The following HEATR4 variants were observed in gnomAD, a reference collection of about 807,000 sequenced individuals.
HEATR4 encodes HEAT repeat containing 4.
Under a neutral mutation model 108.8 loss-of-function variants are expected in HEATR4, and 95 were observed. The observed-to-expected ratio is 0.87, with a 90% CI of 0.74 to 1.04. The LOEUF is 1.04. HEATR4 is among the 50% of genes least tolerant of loss of function. The probability of loss-of-function intolerance (pLI) is 0.00; values close to 1 mark genes in which losing one functional copy is unlikely to be tolerated. For missense variants in HEATR4, 1,152 were observed against 1,253.8 expected (o/e 0.92, Z 1.23); for synonymous variants, 443 against 459.4 (o/e 0.96, Z 0.46).
the HEATR4 span, chr14:73,595,652 T>C: frequency 2.0e-6 from 3 of 1,518,244 alleles, no homozygotes; most frequent in African/African-American, 4.2e-5. Flanking sequence ...CCCTAAATTG[T>C]AATGCATTTG....
Position 73,508,003 on chromosome 14 carries a change from C to G in HEATR4, c.1881+131G>C. 3 of 828,230 alleles carry G rather than the reference C, an allele frequency of 3.6e-6. 1 individual carries two copies. Among genetic ancestry groups the G allele is most frequent in the Non-Finnish European group, 5.9e-6 (3 of 510,622 alleles). The allele number at this position is 828,230 out of a possible 1,614,324, so 51.3% of individuals were successfully genotyped here. A position where few individuals can be genotyped will look rare whatever the true frequency, so the allele number is the denominator to read the frequency against. ...TCAAGTGATCCACCTGCCTCGGCCTCCCGAAGTGTTGGGATTACAGGCATA... is the reference window on the plus strand; with the variant it reads ...TCAAGTGATCCACCTGCCTCGGCCTGCCGAAGTGTTGGGATTACAGGCATA... On this transcript the variant is annotated intron_variant, in intron 9 of 17. Transcript: ENST00000553558.
the HEATR4 span, chr14:73,594,946 C>G: frequency 7.1e-7 from 1 of 1,400,372 alleles, no homozygotes; most frequent in Non-Finnish European, 9.8e-7. Flanking sequence ...CTCAAGTGAT[C>G]CGCCCGCCTC....
chr14:73,612,504 C>T, the HEATR4 span: 9 of 1,086,062 alleles, frequency 8.3e-6, no homozygotes, highest in East Asian at 2.3e-4. Flanking sequence ...TTCCAGCGCT[C>T]GGCAAAGCCG....
the HEATR4 span, among the ~76,000 whole-genome samples, chr14:73,585,076 T>A: frequency 6.6e-6 from 1 of 151,866 alleles, no homozygotes; most frequent in Non-Finnish European, 1.5e-5. Flanking sequence ...CAGGCCTGTC[T>A]GTGTGGGCAG....
intron 17 of HEATR4, chr14:73,491,937 C>G (rs200766349): frequency 5.2e-4 from 835 of 1,613,688 alleles, no homozygotes; most frequent in Non-Finnish European, 6.7e-4. Context: ...TTCTCTACTA[C>G]TGTGTGGCAG....
chr14:73,511,622 C>T (rs1887275641), intron 7 of HEATR4, among the ~76,000 whole-genome samples: 1 of 151,922 alleles, frequency 6.6e-6, no homozygotes, highest in Non-Finnish European at 1.5e-5. Flanking sequence ...CGCCTGTAAT[C>T]CCAGCAGTTT....
chr14:73,587,122 C>T, the HEATR4 span, among the ~76,000 whole-genome samples: 1 of 136,516 alleles, frequency 7.3e-6, no homozygotes, highest in Admixed American at 8.2e-5. Context: ...AAATGATTCC[C>T]TGCCTGGTGT....
the HEATR4 span, chr14:73,569,918 C>T: frequency 1.9e-6 from 3 of 1,582,754 alleles, no homozygotes; most frequent in South Asian, 1.2e-5. Flanking sequence ...CGTGTTCGTT[C>T]GCCTTTCACT....
chr14:73,592,187 G>T, the HEATR4 span: 1 of 1,608,670 alleles, frequency 6.2e-7, no homozygotes, highest in Non-Finnish European at 8.5e-7. Flanking sequence ...CGGGACTCGA[G>T]CCCATGGGGC....
Position 73,500,707 on chromosome 14 carries a change from G to T in HEATR4, c.2129C>A (p.Ser710Tyr), listed in dbSNP as rs1188259662. The T allele has an allele frequency of 6.2e-7, 1 of 1,613,990 alleles. No homozygotes were observed. The highest frequency in any genetic ancestry group is 2.2e-5 in the East Asian group (1 of 44,884). ...IIRVKLGQGN[S>Y]QERVEALYLI... is the part of the protein sequence containing the mutation. ...GTAGAGAGCTTCCACACGCTCCTGG[G>T]AATTTCCTTGACCTAGCTTGACCCT... Residue 710 changes from serine to tyrosine, a missense_variant, in exon 12 of 18, where the codon TCC (serine) becomes TAC (tyrosine). By Grantham distance (144) the Ser-to-Tyr change is moderately radical. Transcript: ENST00000553558.
At chr14:73,572,263 A>G in the HEATR4 span, among the ~76,000 whole-genome samples, 1 of 146,984 alleles carries the variant, frequency 6.8e-6, no homozygotes, top group Admixed American at 6.9e-5. Context: ...CAGATTAATA[A>G]ATTGAGGTAT....
chr14:73,521,079 T>G (rs1595132360), intron 3 of HEATR4, 40 bp from the exon 4 acceptor site: 6 of 1,532,504 alleles, frequency 3.9e-6, no homozygotes, highest in Non-Finnish European at 5.4e-6. Flanking sequence ...GGGGAAAGAG[T>G]AGGAGGTGGA....
rs1221272771 is a variant in HEATR4 at position 73,557,249 on chromosome 14, A to T, written c.-152+1502T>A. On this transcript the variant is annotated intron_variant, in intron 1 of 17. Transcript: ENST00000553558. ...CATGCCTCTAGTTAAAACCTGATGA[A>T]CTTCCTAGATCCCCAGCTGGAAAAC... 3.5e-5 allele frequency among the ~76,000 whole-genome samples: 4 copies of T among 113,846 alleles called. 1 individual carries two copies. The highest frequency in any genetic ancestry group is 1.1e-4 in the African/African-American group (4 of 35,230). The allele number at this position is 113,846 out of a possible 152,430, so 74.7% of individuals were successfully genotyped here.
the HEATR4 span, chr14:73,593,826 A>G: frequency 6.2e-7 from 1 of 1,614,128 alleles, no homozygotes; most frequent in Non-Finnish European, 8.5e-7. Flanking sequence ...ATAACTTTGA[A>G]GATCTCCCCA....
At chr14:73,575,619 T>C in the HEATR4 span, 9 of 1,560,210 alleles carry the variant, frequency 5.8e-6, no homozygotes, top group Non-Finnish European at 7.8e-6. Context: ...ATAACTAAAG[T>C]TTTTTCCCCT....
the HEATR4 span, among the ~76,000 whole-genome samples, chr14:73,600,082 C>G: frequency 6.6e-6 from 1 of 152,122 alleles, no homozygotes; most frequent in Non-Finnish European, 1.5e-5. Flanking sequence ...TAGCTATCCT[C>G]ACAGATGCAT....
At position 73,522,390 on chromosome 14, in the gene HEATR4, C is replaced by T; in HGVS notation, c.763G>A (p.Asp255Asn). Residue 255 changes from aspartate to asparagine, a missense_variant, in exon 3 of 18, where the codon GAC becomes AAC. Physicochemically the swap from Asp to Asn is conservative, Grantham distance 23 (BLOSUM62 1). Transcript: ENST00000553558. ...HIRDELTSAS[D>N]LELLKQLEAE... is the part of the protein sequence containing the mutation. ...TCCAGCTGTTTCAGGAGCTCCAGGT[C>T]ACTGGCAGAGGTAAGCTCATCCCGA... 2 of 1,614,246 alleles carry T rather than the reference C, an allele frequency of 1.2e-6. No homozygotes were observed. The highest frequency in any genetic ancestry group is 1.7e-6 in the Non-Finnish European group (2 of 1,180,052).
chr14:73,576,816 A>G, the HEATR4 span, among the ~76,000 whole-genome samples: 6,853 of 57,708 alleles, frequency 0.12, 1,097 homozygotes, highest in African/African-American at 0.17. Context: ...AAAAAAAAAA[A>G]AAAAGACAAT....
the HEATR4 span, among the ~76,000 whole-genome samples, chr14:73,622,001 G>T: frequency 1.3e-5 from 2 of 151,930 alleles, no homozygotes; most frequent in African/African-American, 2.4e-5. Context: ...GGGCTCAAGC[G>T]AACTGCCCCC....
Sources: allele counts gnomAD v4.1 joint callset (sites outside exome capture counted in the v4.1 genomes callset), GRCh38; gene constraint gnomAD v4.1.1; transcripts MANE v1.5; gene names NCBI Gene and HGNC (gene_info 2026-07-23, HGNC 2026-07-21).